CERS6: variants seen among roughly 807,000 people sequenced by gnomAD.
CERS6 encodes the protein ceramide synthase 6, also known as LAG1 homolog, ceramide synthase 6.
In CERS6, 26 loss-of-function variants were observed where a neutral mutation model predicts 56.8. The observed-to-expected ratio is 0.46, with a 90% CI of 0.34 to 0.63. CERS6 has a LOEUF of 0.63. Among genes scored for constraint, CERS6 ranks in the 30% least tolerant of loss-of-function variants. CERS6 has a pLI of 0.01. For missense variants in CERS6, 415 were observed against 467.5 expected, an observed-to-expected ratio of 0.89 and a Z score of 1.04; for synonymous variants, 164 against 173.3, an observed-to-expected ratio of 0.95 and a Z score of 0.42.
At chr2:168,630,326 ACG>A (rs1391927714) in intron 3 of CERS6, among the ~76,000 whole-genome samples, 1,682 of 87,730 alleles carry the variant, frequency 0.019, 25 homozygotes, top group African/African-American at 0.063. Context: ...ACACACACAC[ACG>A]CACACATCTT....
chr2:168,631,299 G>C (rs960387717), intron 4 of CERS6, among the ~76,000 whole-genome samples: 1 of 148,150 alleles, frequency 6.7e-6, no homozygotes, highest in Admixed American at 6.9e-5. Flanking sequence ...AAAGAAGTTA[G>C]AGTTTCTACA....
rs954891594 is a variant in CERS6 at position 168,547,343 on chromosome 2, A to G, written c.171-253A>G. On this transcript the variant is annotated intron_variant, in intron 1 of 9. Transcript: ENST00000305747. ...CTCATAGTCTTTCTAGCTTTGTCTC[A>G]TTAGAACTTGAGGATTGGAGGGTTT... 2.0e-5 allele frequency among the ~76,000 whole-genome samples: 3 copies of G among 152,234 alleles called. No individual in the cohort carries two copies. In the East Asian group the frequency reaches 5.8e-4, roughly 29 times the overall value.
At chr2:168,631,099 GGT>G in intron 4 of CERS6, 57 bp downstream of exon 4, 1 of 618,166 alleles carries the variant, frequency 1.6e-6, no homozygotes, top group South Asian at 2.6e-5. Context: ...TCTATATCCT[GGT>G]TTTTTTTTTT....
chr2:168,546,051 G>A (rs1055971907), intron 1 of CERS6, among the ~76,000 whole-genome samples: 2 of 152,288 alleles, frequency 1.3e-5, no homozygotes, highest in South Asian at 4.1e-4. Context: ...TGTACCTTAT[G>A]ATGAGGGGCA....
At chr2:168,654,468 G>A (rs112983764) in intron 4 of CERS6, among the ~76,000 whole-genome samples, 4,730 of 152,172 alleles carry the variant, frequency 0.031, 190 homozygotes, top group African/African-American at 0.093. Flanking sequence ...ACTTGAACCC[G>A]GGAGGTGGAG....
chr2:168,563,662 T>C (rs1695833141), intron 3 of CERS6, among the ~76,000 whole-genome samples: 2 of 152,036 alleles, frequency 1.3e-5, no homozygotes, highest in Non-Finnish European at 2.9e-5. Flanking sequence ...CCAGATGTGG[T>C]GGCAGGCGCC....
intron 1 of CERS6, among the ~76,000 whole-genome samples, chr2:168,533,988 T>C (rs115345223): frequency 0.033 from 4,983 of 152,066 alleles, 289 homozygotes; most frequent in African/African-American, 0.11. Flanking sequence ...TCTGATATGC[T>C]TTCTTCCGCT....
chr2:168,496,661 G>A (rs1025881484), intron 1 of CERS6, among the ~76,000 whole-genome samples: 2 of 152,082 alleles, frequency 1.3e-5, no homozygotes, highest in African/African-American at 4.8e-5. Flanking sequence ...TAATAAACCT[G>A]AAAGTACAAC....
chr2:168,753,433 A>G (rs922347903), intron 8 of CERS6, among the ~76,000 whole-genome samples: 1 of 152,234 alleles, frequency 6.6e-6, no homozygotes, highest in Non-Finnish European at 1.5e-5. Context: ...GAAGCCTGCA[A>G]GAGCAAAATT....
At chr2:168,560,967 T>C (rs1246943721) in intron 2 of CERS6, among the ~76,000 whole-genome samples, 1 of 152,172 alleles carries the variant, frequency 6.6e-6, no homozygotes, top group Non-Finnish European at 1.5e-5. Context: ...GCAAGATTCA[T>C]GTTTCTAAAT....
At chr2:168,638,671 T>C (rs1485124797) in intron 4 of CERS6, among the ~76,000 whole-genome samples, 1 of 152,190 alleles carries the variant, frequency 6.6e-6, no homozygotes, top group East Asian at 1.9e-4. Flanking sequence ...TATAGCTTCT[T>C]GTTTAGTGGT....
intron 8 of CERS6, among the ~76,000 whole-genome samples, chr2:168,733,425 GGAAA>G (rs1157450346): frequency 6.6e-6 from 1 of 152,146 alleles, no homozygotes; most frequent in Non-Finnish European, 1.5e-5. Context: ...TTAGTGAAGA[GGAAA>G]GAGAGTTAAT....
rs184949471 is a variant in CERS6, at chr2:168,562,022, C to T, written c.407+700C>T. ...GAGAACATCCCCAAGAAAGGGAAGA[C>T]GTGCCTGGAGAGTCATTACCCTATG... is the stretch of plus-strand genomic sequence containing the variant. On this transcript the variant is annotated intron_variant, in intron 3 of 9. Transcript: ENST00000305747. Among the ~76,000 whole-genome samples the T allele has an allele frequency of 2.8e-4, 42 of 152,242 alleles. 1 individual carries two copies. In the East Asian group the frequency reaches 7.5e-3, roughly 27 times the overall value.
At chr2:168,530,210 A>G (rs1695140928) in intron 1 of CERS6, among the ~76,000 whole-genome samples, 1 of 152,174 alleles carries the variant, frequency 6.6e-6, no homozygotes, top group Admixed American at 6.5e-5. Flanking sequence ...GCAGTTAGAG[A>G]TGGAGTTGCC....
At chr2:168,632,386 T>C (rs1304407167) in intron 4 of CERS6, among the ~76,000 whole-genome samples, 2 of 152,214 alleles carry the variant, frequency 1.3e-5, no homozygotes, top group African/African-American at 4.8e-5. Context: ...TTATCAAATA[T>C]TGTCCGCCTG....
intron 7 of CERS6, among the ~76,000 whole-genome samples, 198 bp downstream of exon 7, chr2:168,715,327 A>G (rs555990081): frequency 2.0e-5 from 3 of 152,340 alleles, no homozygotes; most frequent in Non-Finnish European, 2.9e-5. Context: ...TTATACAAAA[A>G]AAAAGTTGTT....
At position 168,715,009 on chromosome 2, in the gene CERS6, C is replaced by T. The variant is rs116506340; in HGVS notation, c.618C>T (p.Gly206=). 9.6e-3 allele frequency: 15,370 copies of T among 1,603,254 alleles called. 119 individuals are homozygous for T. Among genetic ancestry groups the T allele is most frequent in the Non-Finnish European group, 0.012 (14,472 of 1,176,102 alleles). The change falls in exon 7 of 10, where the codon GGC becomes GGT. Residue 206 remains glycine (G), a synonymous_variant. Transcript: ENST00000305747. ...TTTCTTCTTTCCTCAAGGACTTTGGCATTATGTTCCTGCACCACCTTGTAT... is the reference window on the plus strand; with the variant it reads ...TTTCTTCTTTCCTCAAGGACTTTGGTATTATGTTCCTGCACCACCTTGTAT... The part of the protein sequence containing the change: ...QFTDIKRKDF[G]IMFLHHLVSI...
chr2:168,587,677 G>A (rs975806439), intron 3 of CERS6, among the ~76,000 whole-genome samples: 12 of 151,944 alleles, frequency 7.9e-5, no homozygotes, highest in Non-Finnish European at 1.5e-4. Context: ...CTTCAGTGAA[G>A]GCATGTGGTA....
Position 168,657,068 on chromosome 2 carries a change from G to A in CERS6, c.465+26026G>A, listed in dbSNP as rs562261172. On this transcript the variant is annotated intron_variant, in intron 4 of 9. Coordinates refer to ENST00000305747, the MANE Select transcript of CERS6 (RefSeq NM_203463.3). Reference sequence around the variant, plus strand: ...AGCTAGCTACAGAGTGCCGATTGGTGTATTTACAATCCTTGAGCTAGACAT... The same window carrying A: ...AGCTAGCTACAGAGTGCCGATTGGTATATTTACAATCCTTGAGCTAGACAT... 2.6e-5 allele frequency among the ~76,000 whole-genome samples: 4 copies of A among 151,492 alleles called. No individual in the cohort carries two copies. The East Asian group carries it at 7.8e-4, about 30-fold the overall frequency.
Sources: allele counts gnomAD v4.1 joint callset (sites outside exome capture counted in the v4.1 genomes callset), GRCh38; gene constraint gnomAD v4.1.1; transcripts MANE v1.5; gene names NCBI Gene and HGNC (gene_info 2026-07-23, HGNC 2026-07-21).